The following SPIDR variants were observed in gnomAD, a reference collection of about 807,000 sequenced individuals.
The protein encoded by SPIDR is DNA repair-scaffolding protein.
In SPIDR, 93 loss-of-function variants were observed where a neutral mutation model predicts 104.6. The ratio of observed to expected loss-of-function variants is 0.89; its 90% CI spans 0.75 to 1.06. SPIDR has a LOEUF of 1.06. Among genes scored for constraint, SPIDR ranks in the 50% least tolerant of loss-of-function variants. SPIDR has a pLI of 0.00. For synonymous variants in SPIDR, 431 were observed against 416.9 expected, an observed-to-expected ratio of 1.03 and a Z score of -0.41; for missense variants, 1,154 against 1,111.2, an observed-to-expected ratio of 1.04 and a Z score of -0.55.
chr8:47,488,005 C>T (rs2077990245), intron 8 of SPIDR, among the ~76,000 whole-genome samples: 1 of 152,066 alleles, frequency 6.6e-6, no homozygotes, highest in African/African-American at 2.4e-5. Flanking sequence ...TAACTAAGAT[C>T]AGAGCAGAAC....
chr8:47,665,564 A>C (rs757215234), intron 10 of SPIDR, among the ~76,000 whole-genome samples: 2 of 152,242 alleles, frequency 1.3e-5, no homozygotes, highest in African/African-American at 4.8e-5. Flanking sequence ...AGTTTGTACT[A>C]TATAAATATC....
intron 5 of SPIDR, among the ~76,000 whole-genome samples, chr8:47,296,626 G>A (rs782542811): frequency 5.3e-5 from 8 of 152,066 alleles, no homozygotes; most frequent in Non-Finnish European, 5.9e-5. Flanking sequence ...TTAGTTGGTC[G>A]GTTTTTATGC....
At chr8:47,636,156 C>T in intron 10 of SPIDR, among the ~76,000 whole-genome samples, 1 of 152,142 alleles carries the variant, frequency 6.6e-6, no homozygotes, top group East Asian at 1.9e-4. Flanking sequence ...TATTTCAAAT[C>T]CCTTCATTAT....
intron 8 of SPIDR, among the ~76,000 whole-genome samples, chr8:47,452,659 A>G (rs1317733315): frequency 6.6e-6 from 1 of 152,194 alleles, no homozygotes; most frequent in African/African-American, 2.4e-5. Flanking sequence ...ACAAAATTCA[A>G]CAACCTTCAT....
intron 7 of SPIDR, among the ~76,000 whole-genome samples, chr8:47,421,771 C>T (rs561145351): frequency 4.6e-5 from 7 of 152,282 alleles, no homozygotes; most frequent in South Asian, 2.1e-4. Context: ...ACGATGGTGA[C>T]GTACAGATGG....
At chr8:47,659,959 A>G (rs1030001490) in intron 10 of SPIDR, among the ~76,000 whole-genome samples, 5 of 152,100 alleles carry the variant, frequency 3.3e-5, no homozygotes, top group Admixed American at 6.5e-5. Flanking sequence ...TAGCCACTTA[A>G]TCTGCCCTCT....
intron 7 of SPIDR, among the ~76,000 whole-genome samples, chr8:47,428,334 T>C (rs2066780581): frequency 6.6e-6 from 1 of 152,246 alleles, no homozygotes; most frequent in Non-Finnish European, 1.5e-5. Context: ...TGATGCGGTA[T>C]TTTCCAATAA....
chr8:47,572,469 C>T (rs1488849694), intron 8 of SPIDR, among the ~76,000 whole-genome samples: 1 of 152,024 alleles, frequency 6.6e-6, no homozygotes, highest in Non-Finnish European at 1.5e-5. Context: ...CGAGACCATC[C>T]TGGCTAATGT....
chr8:47,421,574 A>C (rs545043358), intron 7 of SPIDR, among the ~76,000 whole-genome samples: 44 of 152,260 alleles, frequency 2.9e-4, no homozygotes, highest in African/African-American at 1.1e-3. Context: ...TTTAGCTCGG[A>C]GTAGTTTGAT....
At chr8:47,299,062 G>C (rs1375022133) in intron 5 of SPIDR, among the ~76,000 whole-genome samples, 3 of 150,886 alleles carry the variant, frequency 2.0e-5, no homozygotes, top group Non-Finnish European at 4.5e-5. Flanking sequence ...CCATTTTCAC[G>C]ATATTGACTC....
At chr8:47,666,666 G>C (rs2074976519) in intron 10 of SPIDR, among the ~76,000 whole-genome samples, 2 of 152,060 alleles carry the variant, frequency 1.3e-5, no homozygotes, top group Non-Finnish European at 2.9e-5. Context: ...ACAGGATCTG[G>C]CACTAACTGA....
chr8:47,674,500 G>A (rs1197857738), intron 11 of SPIDR, among the ~76,000 whole-genome samples: 1 of 151,364 alleles, frequency 6.6e-6, no homozygotes. Context: ...CTATGAATTA[G>A]GGGGAAAAAA....
intron 5 of SPIDR, chr8:47,357,944 C>T (rs561758488): frequency 6.7e-4 from 508 of 763,704 alleles, no homozygotes; most frequent in Middle Eastern, 5.3e-3. Flanking sequence ...CATGTAGTCA[C>T]GAATATATGT....
intron 10 of SPIDR, among the ~76,000 whole-genome samples, chr8:47,651,780 A>G (rs949198949): frequency 1.3e-5 from 2 of 152,244 alleles, no homozygotes; most frequent in African/African-American, 2.4e-5. Context: ...CATAAAAAAA[A>G]GAACAAAATA....
intron 7 of SPIDR, among the ~76,000 whole-genome samples, chr8:47,437,879 C>CCATT (rs2068661685): frequency 6.6e-6 from 1 of 152,144 alleles, no homozygotes; most frequent in Non-Finnish European, 1.5e-5. Flanking sequence ...CCCAGCCATC[C>CCATT]CATTACTGGA....
intron 8 of SPIDR, among the ~76,000 whole-genome samples, chr8:47,478,359 G>A (rs542360797): frequency 6.6e-6 from 1 of 152,288 alleles, no homozygotes; most frequent in South Asian, 2.1e-4. Flanking sequence ...GATTGGGGTT[G>A]TGCGTGACAG....
intron 5 of SPIDR, among the ~76,000 whole-genome samples, chr8:47,318,564 C>G (rs2045881229): frequency 6.7e-6 from 1 of 150,244 alleles, no homozygotes; most frequent in Non-Finnish European, 1.5e-5. Context: ...GCAAGGCAGG[C>G]CAACATTCAA....
chr8:47,704,706 C>T (rs1488253790), intron 14 of SPIDR, among the ~76,000 whole-genome samples: 1 of 152,182 alleles, frequency 6.6e-6, no homozygotes, highest in Non-Finnish European at 1.5e-5. Flanking sequence ...TTCATCTGTT[C>T]CCCTTTTCAT....
At position 47,363,193 on chromosome 8, in the gene SPIDR, ATC is replaced by A. The variant is rs1432296982; in HGVS notation, c.526-33177_526-33176del. ...AGAAATTAAAGCTGTTTTTTTCTTT[ATC>A]TCTCTTTTTTTTTTTTTTTTTTTTT... On this transcript the variant is annotated intron_variant, in intron 5 of 19. Coordinates refer to ENST00000297423, the MANE Select transcript of SPIDR (RefSeq NM_001080394.4). 8.6e-3 allele frequency among the ~76,000 whole-genome samples: 1,118 copies of A among 129,800 alleles called. 28 individuals are homozygous for A. The highest frequency in any genetic ancestry group is 0.03 in the African/African-American group (1,029 of 34,134). The allele number at this position is 129,800 out of a possible 152,430, so 85.2% of individuals were successfully genotyped here.
Sources: gnomAD v4.1 joint callset for allele counts (sites outside exome capture counted in the v4.1 genomes callset) on GRCh38, gnomAD v4.1.1 for gene constraint, MANE v1.5 for transcripts, NCBI Gene and HGNC (gene_info 2026-07-23, HGNC 2026-07-21) for gene names.